DOCK10: variants seen among roughly 807,000 people sequenced by gnomAD.
DOCK10 encodes dedicator of cytokinesis protein 10.
In DOCK10, 145 loss-of-function variants were observed where a neutral mutation model predicts 280.1. That is an observed-to-expected ratio of 0.52 (90% CI 0.45 to 0.59). The LOEUF is 0.59. Among genes scored for constraint, DOCK10 ranks in the 20% least tolerant of loss-of-function variants. The probability of loss-of-function intolerance (pLI) is 0.00; values close to 1 mark genes in which losing one functional copy is unlikely to be tolerated. For synonymous variants in DOCK10, 915 were observed against 942.2 expected, an observed-to-expected ratio of 0.97 and a Z score of 0.53; for missense variants, 2,368 against 2,651.7, an observed-to-expected ratio of 0.89 and a Z score of 2.35.
chr2:224,874,032 T>A lies in DOCK10; in HGVS notation c.1221A>T (p.Gly407=). 5 of 1,613,376 alleles carry A rather than the reference T, an allele frequency of 3.1e-6. No homozygotes were observed. Among genetic ancestry groups the A allele is most frequent in the Non-Finnish European group, 4.2e-6 (5 of 1,179,764 alleles). Residue 407 remains glycine (G), a synonymous_variant, in exon 11 of 56, where the codon GGA becomes GGT. Coordinates refer to ENST00000258390, the MANE Select transcript of DOCK10 (RefSeq NM_014689.3). The stretch of plus-strand genomic sequence containing the variant: ...GATCATTTTCATTCTCCGTAACACA[T>A]CCCTGAAGATTTGAGTTGAGGGCTT... The part of the protein sequence containing the change: ...ICKALNSNLQ[G]CVTENENDPI...
At position 224,798,030 on chromosome 2, in the gene DOCK10, A is replaced by G. The variant is rs989009567; in HGVS notation, c.4507-61T>C. The G allele has an allele frequency of 2.6e-6, 4 of 1,532,536 alleles. No homozygotes were observed. The African/African-American group carries it at 5.5e-5, about 21-fold the overall frequency. 94.9% of individuals were successfully genotyped at this position (1,532,536 alleles called of 1,614,324 possible). On this transcript the variant is annotated intron_variant, in intron 41 of 55. Transcript: ENST00000258390. ...GAAAGAAAATTTTCATTCTATCAAA[A>G]AATATTTATTGTGAACCTGTCATGT... is the stretch of plus-strand genomic sequence containing the variant.
In DOCK10 at chr2:224,765,752, G is replaced by A. The variant is rs761955869; in HGVS notation, c.6530C>T (p.Thr2177Met). ...VISKATPALP[T>M]VSISSSAEV ...TTCAGCACTAGATGAGATGGAGACC[G>A]TGGGTAGGGCCGGAGTTGCTTTGCT... The change falls in exon 56 of 56, where the codon ACG (threonine) becomes ATG (methionine). Residue 2177 changes from threonine to methionine, a missense_variant. This residue lies in a region of DOCK10 where 1,159 missense variants were observed against 1,400.8 expected (regional missense o/e 0.83). Transcript: ENST00000258390. The A allele has an allele frequency of 1.4e-5, 23 of 1,613,728 alleles. No homozygotes were observed. In the Admixed American group the frequency reaches 2.0e-4, roughly 14 times the overall value.
chr2:224,897,584 C>G (rs549584692), intron 3 of DOCK10, among the ~76,000 whole-genome samples: 5 of 152,244 alleles, frequency 3.3e-5, no homozygotes, highest in Non-Finnish European at 5.9e-5. Context: ...CCCTTCTACT[C>G]CCTTTCTCTG....
At chr2:224,908,412 CGTTTGTGT>C (rs1488466499) in intron 3 of DOCK10, among the ~76,000 whole-genome samples, 79 of 79,294 alleles carry the variant, frequency 1.0e-3, no homozygotes, top group African/African-American at 5.0e-3. Flanking sequence ...TAATCATCAT[CGTTTGTGT>C]GTGTGTGTGT....
Position 224,819,439 on chromosome 2 carries a change from T to A in DOCK10, c.3267+7A>T. Reference sequence around the variant, plus strand: ...AGAAAACAATCACTCCTGTACGTGGTTCTTACCTTAAGGTCACCGGAGGAG... The same window carrying A: ...AGAAAACAATCACTCCTGTACGTGGATCTTACCTTAAGGTCACCGGAGGAG... On this transcript the variant is annotated splice_region_variant and intron_variant, in intron 29 of 55. Transcript: ENST00000258390. 1.3e-6 allele frequency: 2 copies of A among 1,586,348 alleles called. No homozygotes were observed. The highest frequency in any genetic ancestry group is 1.7e-6 in the Non-Finnish European group (2 of 1,160,030).
chr2:224,997,678 G>C (rs1706313401), intron 1 of DOCK10, among the ~76,000 whole-genome samples: 1 of 152,182 alleles, frequency 6.6e-6, no homozygotes, highest in South Asian at 2.1e-4. Context: ...AGAGGAGTTA[G>C]ACAGCAGCCC....
chr2:224,865,926 C>T (rs927549743), intron 11 of DOCK10, among the ~76,000 whole-genome samples: 20 of 151,868 alleles, frequency 1.3e-4, no homozygotes, highest in African/African-American at 4.8e-4. Flanking sequence ...CTCTAACAGT[C>T]ACCTATTATA....
At chr2:224,820,272 A>G (rs1574878725) in intron 28 of DOCK10, among the ~76,000 whole-genome samples, 1 of 152,262 alleles carries the variant, frequency 6.6e-6, no homozygotes, top group East Asian at 1.9e-4. Flanking sequence ...AACAGTAAGT[A>G]GGCTTGGAGG....
intron 19 of DOCK10, among the ~76,000 whole-genome samples, chr2:224,848,102 G>A (rs1696484416): frequency 6.6e-6 from 1 of 152,220 alleles, no homozygotes; most frequent in Admixed American, 6.5e-5. Context: ...GCCTCTGGAA[G>A]CTGGAAAAGG....
intron 53 of DOCK10, among the ~76,000 whole-genome samples, chr2:224,772,517 A>G (rs1262658638): frequency 6.6e-6 from 1 of 152,064 alleles, no homozygotes; most frequent in Non-Finnish European, 1.5e-5. Context: ...CTTGTCTGTC[A>G]TCAGATGGAC....
rs1452643645 is a variant in DOCK10 at position 224,970,091 on chromosome 2, T to C, written c.124-38423A>G. On this transcript the variant is annotated intron_variant, in intron 1 of 55. Transcript: ENST00000258390. This position sits in a 1 kb window ranked among gnomAD's most constrained non-coding sequence, Gnocchi z 4.6. ...TTCACCTGATGAGTGTTCTATTTAA[T>C]ATTCTAGTTTCCTTATTAGTGGAGA... is the stretch of plus-strand genomic sequence containing the variant. Among the ~76,000 whole-genome samples the C allele has an allele frequency of 1.3e-5, 2 of 152,218 alleles. No homozygotes were observed. Among genetic ancestry groups the C allele is most frequent in the Non-Finnish European group, 2.9e-5 (2 of 68,030 alleles).
intron 3 of DOCK10, among the ~76,000 whole-genome samples, chr2:224,912,641 T>A (rs1433092955): frequency 6.6e-6 from 1 of 152,194 alleles, no homozygotes; most frequent in African/African-American, 2.4e-5. Context: ...TAGCCTTATA[T>A]AAACATATTT....
rs550630549 is a variant in DOCK10, at chr2:224,886,893, C to CCCCA, written c.417-363_417-362insTGGG. Among the ~76,000 whole-genome samples the CCCCA allele has an allele frequency of 1.4e-3, 205 of 149,506 alleles. 11 individuals carry two copies. Among genetic ancestry groups the CCCCA allele is most frequent in the African/African-American group, 4.6e-3 (183 of 40,030 alleles). The stretch of plus-strand genomic sequence containing the variant: ...CTGCATGCAGCACCCCCAACACCCC[C>CCCCA]CCAAGTAGTACCTGGGATTACAGGC... On this transcript the variant is annotated intron_variant, in intron 4 of 55. Coordinates refer to ENST00000258390, the MANE Select transcript of DOCK10 (RefSeq NM_014689.3).
At chr2:224,976,073 A>G (rs926998877) in intron 1 of DOCK10, among the ~76,000 whole-genome samples, 1 of 152,194 alleles carries the variant, frequency 6.6e-6, no homozygotes, top group African/African-American at 2.4e-5. Context: ...GCCGACCTGC[A>G]AGACTCCATC....
At chr2:225,041,525 C>A (rs893360075) in intron 1 of DOCK10, among the ~76,000 whole-genome samples, 1 of 152,318 alleles carries the variant, frequency 6.6e-6, no homozygotes, top group African/African-American at 2.4e-5. Flanking sequence ...TCACCCAGCA[C>A]TTAGAAGCCG....
chr2:224,987,806 C>T (rs987858818), intron 1 of DOCK10, among the ~76,000 whole-genome samples: 17 of 152,136 alleles, frequency 1.1e-4, no homozygotes, highest in African/African-American at 3.9e-4. Flanking sequence ...AACCTACAGT[C>T]AATATGGACT....
intron 31 of DOCK10, among the ~76,000 whole-genome samples, chr2:224,811,619 G>A (rs1265564793): frequency 2.6e-5 from 4 of 152,198 alleles, no homozygotes; most frequent in African/African-American, 4.8e-5. Flanking sequence ...ATGGTTTCAG[G>A]TCTAACATGT....
intron 3 of DOCK10, among the ~76,000 whole-genome samples, chr2:224,905,925 T>G (rs1700601888): frequency 6.6e-6 from 1 of 152,094 alleles, no homozygotes; most frequent in South Asian, 2.1e-4. Flanking sequence ...CTTCCAGGTT[T>G]AAAGCTTGAA....
At chr2:224,906,186 C>T (rs1195706261) in intron 3 of DOCK10, among the ~76,000 whole-genome samples, 1 of 152,146 alleles carries the variant, frequency 6.6e-6, no homozygotes, top group Admixed American at 6.5e-5. Flanking sequence ...CAGTCCCCAA[C>T]TCCTGTCAAT....
Sources: allele counts gnomAD v4.1 joint callset (sites outside exome capture counted in the v4.1 genomes callset), GRCh38; gene constraint gnomAD v4.1.1; regional missense constraint gnomAD v4.1.1; non-coding constraint Gnocchi (gnomAD v3.1); transcripts MANE v1.5; gene names NCBI Gene and HGNC (gene_info 2026-07-23, HGNC 2026-07-21).